CCDC91: variants seen among roughly 807,000 people sequenced by gnomAD.
CCDC91 encodes coiled-coil domain containing 91, also known as coiled-coil domain-containing protein 91.
Under a neutral mutation model 63.2 loss-of-function variants are expected in CCDC91, and 48 were observed. The observed-to-expected ratio is 0.76, with a 90% CI of 0.60 to 0.97. The LOEUF is 0.97. Among genes scored for constraint, CCDC91 ranks in the 50% least tolerant of loss-of-function variants. The probability of loss-of-function intolerance (pLI) is 0.00; values close to 1 mark genes in which losing one functional copy is unlikely to be tolerated. For synonymous variants in CCDC91, 167 were observed against 165.8 expected (o/e 1.01, Z -0.06); for missense variants, 500 against 494.6 (o/e 1.01, Z -0.10).
At chr12:28,527,808 T>G (rs1941399975) in intron 12 of CCDC91, among the ~76,000 whole-genome samples, 1 of 152,120 alleles carries the variant, frequency 6.6e-6, no homozygotes, top group South Asian at 2.1e-4. Flanking sequence ...GGTTCCCACG[T>G]CAGTGGAATT....
At chr12:28,370,834 A>C (rs1434179495) in intron 7 of CCDC91, among the ~76,000 whole-genome samples, 1 of 146,540 alleles carries the variant, frequency 6.8e-6, no homozygotes, top group Non-Finnish European at 1.5e-5. Flanking sequence ...AGAGAGAGAG[A>C]GAGCGAAGTG....
chr12:28,429,717 A>AT (rs1352679208), intron 8 of CCDC91, among the ~76,000 whole-genome samples: 2 of 152,076 alleles, frequency 1.3e-5, no homozygotes, highest in African/African-American at 2.4e-5. Flanking sequence ...ATGCATGTGT[A>AT]TTTTTTCTTC....
intron 3 of CCDC91, among the ~76,000 whole-genome samples, chr12:28,275,142 A>G (rs1397844791): frequency 2.6e-5 from 4 of 152,190 alleles, no homozygotes; most frequent in African/African-American, 9.6e-5. Context: ...AAGGCGATAG[A>G]GACACAAAAA....
intron 7 of CCDC91, among the ~76,000 whole-genome samples, chr12:28,367,384 T>G (rs1399192264): frequency 6.6e-6 from 1 of 151,760 alleles, no homozygotes; most frequent in Non-Finnish European, 1.5e-5. Flanking sequence ...AATAATGGAA[T>G]GGAGAAATAA....
Position 28,408,168 on chromosome 12 carries a change from C to T in CCDC91, c.762+16757C>T, listed in dbSNP as rs1426451038. ...ACCCCCAGTAGGCCCTGGTGTGTGACGTTTCCCTCCCAGTGTCCATGTGTT... is the reference window on the plus strand; with the variant it reads ...ACCCCCAGTAGGCCCTGGTGTGTGATGTTTCCCTCCCAGTGTCCATGTGTT... On this transcript the variant is annotated intron_variant, in intron 8 of 12. Transcript: ENST00000536442. 4.6e-5 allele frequency among the ~76,000 whole-genome samples: 7 copies of T among 151,982 alleles called. No individual in the cohort carries two copies. The East Asian group carries it at 7.8e-4, about 17-fold the overall frequency.
At chr12:28,309,234 C>G (rs746908358) in intron 6 of CCDC91, among the ~76,000 whole-genome samples, 1 of 152,010 alleles carries the variant, frequency 6.6e-6, no homozygotes, top group Non-Finnish European at 1.5e-5. Flanking sequence ...ATGTGCCCAC[C>G]TCAGGAGTAC....
At chr12:28,534,746 A>T (rs1942015945) in intron 12 of CCDC91, among the ~76,000 whole-genome samples, 1 of 152,112 alleles carries the variant, frequency 6.6e-6, no homozygotes, top group Non-Finnish European at 1.5e-5. Context: ...AACTTTTGGT[A>T]CTCCTAGCTC....
chr12:28,281,838 T>C (rs1254589196), intron 3 of CCDC91, among the ~76,000 whole-genome samples: 1 of 152,170 alleles, frequency 6.6e-6, no homozygotes, highest in Admixed American at 6.6e-5. Flanking sequence ...CCATTGTTGC[T>C]GAAAGGACAT....
intron 11 of CCDC91, among the ~76,000 whole-genome samples, chr12:28,479,593 C>T (rs1323579031): frequency 6.6e-6 from 1 of 151,998 alleles, no homozygotes; most frequent in Non-Finnish European, 1.5e-5. Flanking sequence ...TGCACCTGTA[C>T]CCTAGAACTT....
chr12:28,358,128 A>C (rs1943638841), intron 6 of CCDC91, among the ~76,000 whole-genome samples: 1 of 152,206 alleles, frequency 6.6e-6, no homozygotes, highest in South Asian at 2.1e-4. Context: ...TTGGAAGTGT[A>C]TCTTAGAAAT....
intron 12 of CCDC91, among the ~76,000 whole-genome samples, chr12:28,506,588 A>T (rs1938745197): frequency 6.6e-6 from 1 of 151,994 alleles, no homozygotes; most frequent in African/African-American, 2.4e-5. Flanking sequence ...CTATTTATTC[A>T]TTGTGTATGG....
intron 12 of CCDC91, among the ~76,000 whole-genome samples, chr12:28,486,052 A>G (rs1951708238): frequency 6.6e-6 from 1 of 152,194 alleles, no homozygotes; most frequent in Non-Finnish European, 1.5e-5. Flanking sequence ...CATTGACTAT[A>G]GATGTAGAAT....
chr12:28,385,028 AC>A (rs1332753817), intron 7 of CCDC91, among the ~76,000 whole-genome samples: 4 of 152,262 alleles, frequency 2.6e-5, no homozygotes, highest in African/African-American at 4.8e-5. Flanking sequence ...CAGAAAAAAA[AC>A]ATAAAAATAT....
At position 28,333,855 on chromosome 12, in the gene CCDC91, GT is replaced by G. The variant is rs149724731; in HGVS notation, c.576+26110del. Among the ~76,000 whole-genome samples, 482 of 152,256 alleles carry G rather than the reference GT, an allele frequency of 3.2e-3. 7 individuals are homozygous for G. Among genetic ancestry groups the G allele is most frequent in the African/African-American group, 0.011 (449 of 41,556 alleles). On this transcript the variant is annotated intron_variant, in intron 6 of 12. Transcript: ENST00000536442. ...GTTCTAATGCGAATGTGAGTTACAA[GT>G]TTTCCAAAATGTTTTTCTATTTTTT... is the stretch of plus-strand genomic sequence containing the variant.
chr12:28,506,620 T>C (rs1214683565), intron 12 of CCDC91, among the ~76,000 whole-genome samples: 1 of 152,004 alleles, frequency 6.6e-6, no homozygotes, highest in Non-Finnish European at 1.5e-5. Flanking sequence ...CTGTGATTCA[T>C]GTGCATTATC....
chr12:28,230,425 G>A (rs1391850355), intron 1 of CCDC91, among the ~76,000 whole-genome samples: 3 of 152,196 alleles, frequency 2.0e-5, no homozygotes, highest in African/African-American at 7.2e-5. Context: ...TTTACTAGTA[G>A]GAGCAAAACT....
At chr12:28,532,107 C>T (rs1283203078) in intron 12 of CCDC91, among the ~76,000 whole-genome samples, 1 of 151,946 alleles carries the variant, frequency 6.6e-6, no homozygotes, top group African/African-American at 2.4e-5. Context: ...GAGGGCACAA[C>T]ATATACAAAA....
chr12:28,467,365 G>A (rs1363881389), intron 11 of CCDC91, among the ~76,000 whole-genome samples: 1 of 151,788 alleles, frequency 6.6e-6, no homozygotes, highest in Non-Finnish European at 1.5e-5. Context: ...AAGAGACAAA[G>A]GTCACTATAT....
At chr12:28,375,266 T>C (rs1317220104) in intron 7 of CCDC91, among the ~76,000 whole-genome samples, 1 of 151,980 alleles carries the variant, frequency 6.6e-6, no homozygotes, top group East Asian at 1.9e-4. Flanking sequence ...TCTTAAGAAA[T>C]ATTAGGTATT....
Sources: gnomAD v4.1 joint callset for allele counts (sites outside exome capture counted in the v4.1 genomes callset) on GRCh38, gnomAD v4.1.1 for gene constraint, MANE v1.5 for transcripts, NCBI Gene and HGNC (gene_info 2026-07-23, HGNC 2026-07-21) for gene names.